Variants in CBR4 observed in about 807,000 individuals in gnomAD.
CBR4 encodes the protein carbonyl reductase 4.
In CBR4, 22 loss-of-function variants were observed where a neutral mutation model predicts 21.0. The ratio of observed to expected loss-of-function variants is 1.05; its 90% CI spans 0.75 to 1.50. The LOEUF is 1.50. Ranked by LOEUF, CBR4 falls within the 40% of genes most tolerant of loss-of-function variation. The probability of loss-of-function intolerance (pLI) is 0.00; values close to 1 mark genes in which losing one functional copy is unlikely to be tolerated. For synonymous variants in CBR4, 100 were observed against 104.4 expected (o/e 0.96, Z 0.26); for missense variants, 302 against 286.3 (o/e 1.05, Z -0.40).
chr4:168,935,815 A>AGG (rs1763096288), intron 2 of CBR4, among the ~76,000 whole-genome samples: 1 of 152,162 alleles, frequency 6.6e-6, no homozygotes, highest in Non-Finnish European at 1.5e-5. Flanking sequence ...ACCTGGGGGA[A>AGG]GGGGTGGCGG....
chr4:168,995,856 A>C (rs1015905122), intron 4 of CBR4, among the ~76,000 whole-genome samples: 68 of 152,162 alleles, frequency 4.5e-4, no homozygotes, highest in Non-Finnish European at 8.1e-4. Context: ...TAACATCTTG[A>C]AGCTTTTAAT....
chr4:169,009,811 C>T, intron 1 of CBR4, 137 bp downstream of exon 1: 3 of 774,210 alleles, frequency 3.9e-6, no homozygotes, highest in East Asian at 2.9e-5. Context: ...ACCCTTGGAA[C>T]GGGAGAGCGC....
At chr4:168,987,116 T>G (rs969781223), downstream of CBR4, among the ~76,000 whole-genome samples, 5 of 152,230 alleles carry the variant, frequency 3.3e-5, no homozygotes, top group African/African-American at 1.2e-4. Context: ...CCATTTGGAT[T>G]ATTAGGCCAA....
intron 2 of CBR4, among the ~76,000 whole-genome samples, chr4:168,952,419 A>ATCAGAAAT (rs1449023440): frequency 1.3e-5 from 2 of 152,072 alleles, no homozygotes; most frequent in Non-Finnish European, 2.9e-5. Flanking sequence ...TCTGGGGTAA[A>ATCAGAAAT]TCAGAAATTT....
At chr4:169,005,460 G>A (rs1358080531) in intron 3 of CBR4, 1 of 159,342 alleles carries the variant, frequency 6.3e-6, no homozygotes, top group Non-Finnish European at 1.4e-5. Context: ...GCAGTTTAAA[G>A]TAGTCCTTCC....
At chr4:168,979,177 C>T (rs188543127) in intron 2 of CBR4, among the ~76,000 whole-genome samples, 125 of 151,740 alleles carry the variant, frequency 8.2e-4, no homozygotes, top group African/African-American at 2.9e-3. Flanking sequence ...GCTCCCACAC[C>T]CCAAGCACAG....
chr4:168,999,786 A>C (rs1283294119), intron 4 of CBR4, among the ~76,000 whole-genome samples: 1 of 152,182 alleles, frequency 6.6e-6, no homozygotes, highest in South Asian at 2.1e-4. Context: ...TATTTACTCT[A>C]AACTAGACAA....
intron 2 of CBR4, among the ~76,000 whole-genome samples, chr4:168,900,132 G>A (rs1756176721): frequency 6.6e-6 from 1 of 152,080 alleles, no homozygotes; most frequent in African/African-American, 2.4e-5. Context: ...GATCTCATGT[G>A]AACTAATTGA....
intron 4 of CBR4, among the ~76,000 whole-genome samples, chr4:168,993,020 G>A (rs1399784621): frequency 1.3e-5 from 2 of 152,180 alleles, no homozygotes; most frequent in East Asian, 1.9e-4. Flanking sequence ...CAGAAGGAAT[G>A]CAAGAATAAA....
intron 4 of CBR4, among the ~76,000 whole-genome samples, chr4:168,993,671 A>C (rs1178758925): frequency 6.6e-6 from 1 of 152,186 alleles, no homozygotes; most frequent in East Asian, 1.9e-4. Context: ...TTCTTTTCAA[A>C]CTCTAGCAAA....
chr4:168,965,776 A>G (rs1226687581), intron 2 of CBR4, among the ~76,000 whole-genome samples: 2 of 152,248 alleles, frequency 1.3e-5, no homozygotes, highest in Non-Finnish European at 2.9e-5. Context: ...ACTTGAATAT[A>G]AAACCTAACA....
intron 2 of CBR4, among the ~76,000 whole-genome samples, chr4:168,938,790 T>C (rs1763181825): frequency 6.6e-6 from 1 of 152,138 alleles, no homozygotes; most frequent in Non-Finnish European, 1.5e-5. Flanking sequence ...GTTCTAAAGT[T>C]GAGGCAGTAA....
intron 2 of CBR4, among the ~76,000 whole-genome samples, chr4:168,895,251 G>A (rs28482934): frequency 0.011 from 1,729 of 152,208 alleles, 48 homozygotes; most frequent in African/African-American, 0.039. Flanking sequence ...GTGTGGTGAC[G>A]CACACCTGTA....
intron 2 of CBR4, chr4:168,903,680 C>T (rs192019908): frequency 4.2e-6 from 5 of 1,200,768 alleles, no homozygotes; most frequent in Non-Finnish European, 6.2e-6. Flanking sequence ...GCAAACCACA[C>T]TGTTACTATT....
chr4:168,927,592 A>G (rs1762721573), intron 2 of CBR4: 1 of 229,370 alleles, frequency 4.4e-6, no homozygotes, highest in African/African-American at 2.2e-5. Context: ...TGTGCCATAA[A>G]GTATTTTTTC....
At chr4:168,972,579 C>T (rs905795496) in intron 2 of CBR4, among the ~76,000 whole-genome samples, 1 of 152,126 alleles carries the variant, frequency 6.6e-6, no homozygotes, top group South Asian at 2.1e-4. Flanking sequence ...TGATTCTCAG[C>T]TTGGTTGCTG....
chr4:168,929,905 G>T (rs558750363), intron 2 of CBR4, among the ~76,000 whole-genome samples: 1 of 152,058 alleles, frequency 6.6e-6, no homozygotes, highest in Non-Finnish European at 1.5e-5. Flanking sequence ...TACAAAATGT[G>T]TACACACCTA....
chr4:168,914,782 A>AT (rs1759761532), intron 2 of CBR4, among the ~76,000 whole-genome samples: 1 of 152,230 alleles, frequency 6.6e-6, no homozygotes, highest in Admixed American at 6.5e-5. Context: ...AGTGAAGAGA[A>AT]TACATAGTTA....
intron 2 of CBR4, among the ~76,000 whole-genome samples, chr4:168,971,504 G>C (rs1175832122): frequency 1.4e-5 from 2 of 141,128 alleles, no homozygotes; most frequent in Admixed American, 7.6e-5. Context: ...CCCTGGTCTC[G>C]AACTCCTGAC....
Sources: allele counts gnomAD v4.1 joint callset (sites outside exome capture counted in the v4.1 genomes callset), GRCh38; gene constraint gnomAD v4.1.1; transcripts MANE v1.5; gene names NCBI Gene and HGNC (gene_info 2026-07-23, HGNC 2026-07-21).